Variants in ORC5 observed in about 807,000 individuals in gnomAD.
ORC5 encodes the protein origin recognition complex subunit 5, also known as protein phosphatase 1, regulatory subunit 117.
Under a neutral mutation model 58.8 loss-of-function variants are expected in ORC5, and 39 were observed. The observed-to-expected ratio is 0.66, with a 90% CI of 0.51 to 0.87. The LOEUF (loss-of-function observed/expected upper bound fraction) is 0.87. ORC5 is among the 40% of genes least tolerant of loss of function. The pLI is 0.00. For synonymous variants in ORC5, 218 were observed against 177.6 expected (o/e 1.23, Z -1.81); for missense variants, 493 against 506.3 (o/e 0.97, Z 0.25).
chr7:104,163,024 T>C (rs1326567777), intron 11 of ORC5, among the ~76,000 whole-genome samples: 1 of 152,240 alleles, frequency 6.6e-6, no homozygotes, highest in Non-Finnish European at 1.5e-5. Flanking sequence ...TAGTCCATTT[T>C]TAAATTACCT....
In ORC5 at chr7:104,129,664, A is replaced by C. The variant is rs6964461; in HGVS notation, c.1263-2771T>G. ...CTCTTTAAAGAAAGGTATAACTTAC[A>C]AGAGAATTGTGTAATTTGCATGGAT... On this transcript the variant is annotated intron_variant, in intron 13 of 13. Coordinates refer to ENST00000297431, the MANE Select transcript of ORC5 (RefSeq NM_002553.4). The surrounding 1 kb of genome is among the most constrained non-coding windows in gnomAD (Gnocchi z 4.9). Among the ~76,000 whole-genome samples, 19,432 of 152,210 alleles carry C rather than the reference A, an allele frequency of 0.13. 1,556 individuals carry two copies. The highest frequency in any genetic ancestry group is 0.19 in the East Asian group (963 of 5,180).
intron 3 of ORC5, among the ~76,000 whole-genome samples, chr7:104,199,922 A>C (rs1799897804): frequency 6.6e-6 from 1 of 152,180 alleles, no homozygotes; most frequent in Non-Finnish European, 1.5e-5. Flanking sequence ...GAGGTAAATG[A>C]ATCTTGGGGG....
At chr7:104,169,544 G>A (rs1799173028) in intron 8 of ORC5, among the ~76,000 whole-genome samples, 1 of 151,880 alleles carries the variant, frequency 6.6e-6, no homozygotes, top group African/African-American at 2.4e-5. Flanking sequence ...TTGATGCAAA[G>A]GTGCTCACCA....
At chr7:104,202,352 G>T in intron 2 of ORC5, 1 of 212,662 alleles carries the variant, frequency 4.7e-6, no homozygotes, top group Non-Finnish European at 9.9e-6. Flanking sequence ...GAATAACAGT[G>T]TCACTAAAGC....
Position 104,152,629 on chromosome 7 carries a change from T to C in ORC5, c.1149+8443A>G, listed in dbSNP as rs139366717. Among the ~76,000 whole-genome samples, 924 of 152,270 alleles carry C rather than the reference T, an allele frequency of 6.1e-3. 10 individuals are homozygous for C. The highest frequency in any genetic ancestry group is 0.021 in the African/African-American group (882 of 41,556). ...AGTATGGAATCTCTTAAACATGCAT[T>C]TGCAAGCACATATCCATACAAACTT... On this transcript the variant is annotated intron_variant, in intron 12 of 13. Coordinates refer to ENST00000297431, the MANE Select transcript of ORC5 (RefSeq NM_002553.4).
chr7:104,190,602 A>G (rs1269182958), intron 5 of ORC5, among the ~76,000 whole-genome samples: 1 of 152,188 alleles, frequency 6.6e-6, no homozygotes, highest in South Asian at 2.1e-4. Context: ...ACAACCATAT[A>G]TTATTCAAAA....
At chr7:104,152,814 A>C (rs533940357) in intron 12 of ORC5, among the ~76,000 whole-genome samples, 1 of 152,352 alleles carries the variant, frequency 6.6e-6, no homozygotes, top group East Asian at 1.9e-4. Context: ...TGCCCACAAA[A>C]ATAAAGTACC....
At chr7:104,175,051 T>G (rs1799294861) in intron 8 of ORC5, among the ~76,000 whole-genome samples, 1 of 152,228 alleles carries the variant, frequency 6.6e-6, no homozygotes, top group African/African-American at 2.4e-5. Flanking sequence ...TGTACTTTCC[T>G]TCCTTTTGTT....
intron 2 of ORC5, among the ~76,000 whole-genome samples, chr7:104,201,392 T>C (rs1799938726): frequency 6.6e-6 from 1 of 152,184 alleles, no homozygotes; most frequent in Non-Finnish European, 1.5e-5. Context: ...CCATCATCCC[T>C]TAGTGATTCC....
At chr7:104,193,679 C>A (rs1799727909) in intron 5 of ORC5, among the ~76,000 whole-genome samples, 1 of 151,026 alleles carries the variant, frequency 6.6e-6, no homozygotes, top group Non-Finnish European at 1.5e-5. Flanking sequence ...TTAATATTCC[C>A]CTTCTGAATG....
At chr7:104,174,703 C>T (rs1391207816) in intron 8 of ORC5, among the ~76,000 whole-genome samples, 1 of 152,170 alleles carries the variant, frequency 6.6e-6, no homozygotes, top group Non-Finnish European at 1.5e-5. Context: ...TGGTGATCAG[C>T]AGCTTTCCAA....
rs558656395 is a variant in ORC5 at position 104,157,534 on chromosome 7, C to A, written c.1149+3538G>T. On this transcript the variant is annotated intron_variant, in intron 12 of 13. Transcript: ENST00000297431. ...TTAACTTCATTAACAGACAAAGATA[C>A]ATTTTGGGCCAAGTTGTTTTCTTAA... is the stretch of plus-strand genomic sequence containing the variant. 6.6e-5 allele frequency among the ~76,000 whole-genome samples: 10 copies of A among 152,082 alleles called. No homozygotes were observed. In the South Asian group the frequency reaches 2.1e-3, roughly 32 times the overall value.
chr7:104,152,219 G>T (rs531239103), intron 12 of ORC5, among the ~76,000 whole-genome samples: 1 of 152,272 alleles, frequency 6.6e-6, no homozygotes, highest in East Asian at 1.9e-4. Context: ...TACAATCACA[G>T]CCCACTGTAG....
intron 12 of ORC5, among the ~76,000 whole-genome samples, chr7:104,158,633 A>C (rs1197248782): frequency 1.3e-5 from 2 of 152,054 alleles, no homozygotes; most frequent in Admixed American, 1.3e-4. Context: ...TTTACAAAAA[A>C]ATAAACAAAC....
chr7:104,194,717 C>G (rs552228992), intron 5 of ORC5, among the ~76,000 whole-genome samples: 1 of 152,122 alleles, frequency 6.6e-6, no homozygotes, highest in East Asian at 1.9e-4. Flanking sequence ...CAAGTCTAGT[C>G]TGATTATTCG....
intron 12 of ORC5, among the ~76,000 whole-genome samples, chr7:104,141,817 T>G (rs1043371823): frequency 6.6e-6 from 1 of 152,128 alleles, no homozygotes; most frequent in African/African-American, 2.4e-5. Context: ...TGAAAGAAAT[T>G]CAAGACGACA....
chr7:104,185,932 A>C (rs1246008589), intron 6 of ORC5, among the ~76,000 whole-genome samples: 2 of 152,114 alleles, frequency 1.3e-5, no homozygotes, highest in South Asian at 2.1e-4. Context: ...CAAATCATTA[A>C]AATAATTTCT....
At chr7:104,160,484 T>G (rs1799003550) in intron 12 of ORC5, among the ~76,000 whole-genome samples, 1 of 152,194 alleles carries the variant, frequency 6.6e-6, no homozygotes, top group Non-Finnish European at 1.5e-5. Context: ...ATTTAAGAAA[T>G]CTACTGTGAC....
At chr7:104,168,574 A>T (rs772272653) in intron 8 of ORC5, 49 bp from the exon 9 acceptor site, 5 of 1,250,248 alleles carry the variant, frequency 4.0e-6, no homozygotes, top group African/African-American at 1.5e-5. Flanking sequence ...AATAAAATCA[A>T]TATGGTGTAC....
Sources: gnomAD v4.1 joint callset for allele counts (sites outside exome capture counted in the v4.1 genomes callset) on GRCh38, gnomAD v4.1.1 for gene constraint, Gnocchi (gnomAD v3.1) non-coding constraint, MANE v1.5 for transcripts, NCBI Gene and HGNC (gene_info 2026-07-23, HGNC 2026-07-21) for gene names.